The following STPG2 variants were observed in gnomAD, a reference collection of about 807,000 sequenced individuals.
The protein encoded by STPG2 is sperm-tail PG-rich repeat-containing protein 2.
STPG2 carries 56 observed loss-of-function variants against 54.2 expected under a neutral mutation model. The observed-to-expected ratio is 1.03, with a 90% CI of 0.83 to 1.29. STPG2 has a LOEUF of 1.29. Among genes scored for constraint, STPG2 ranks in the 50% most tolerant of loss-of-function variants. The pLI, the probability that STPG2 is intolerant of heterozygous loss-of-function variation, is 0.00. For missense variants in STPG2, 596 were observed against 544.9 expected, an observed-to-expected ratio of 1.09 and a Z score of -0.93; for synonymous variants, 200 against 181.8, an observed-to-expected ratio of 1.10 and a Z score of -0.81.
rs566032211 is a variant in STPG2, at chr4:97,909,810, T to C, written c.1044+34087A>G. Among the ~76,000 whole-genome samples the C allele has an allele frequency of 1.5e-4, 23 of 152,208 alleles. No homozygotes were observed. In the South Asian group the frequency reaches 3.9e-3, roughly 26 times the overall value. On this transcript the variant is annotated intron_variant, in intron 8 of 10. Coordinates refer to ENST00000295268, the MANE Select transcript of STPG2 (RefSeq NM_174952.3). ...AGACTTCTTTAAATGGTAAATAATA[T>C]TTTTAAATTACTAAGCATATTATAC...
intron 7 of STPG2, among the ~76,000 whole-genome samples, chr4:97,945,574 CCAGT>C (rs1733180755): frequency 6.6e-6 from 1 of 151,726 alleles, no homozygotes; most frequent in South Asian, 2.1e-4. Flanking sequence ...GGGTAAATAC[CCAGT>C]AGTGGGATTA....
intron 9 of STPG2, among the ~76,000 whole-genome samples, chr4:97,818,851 T>C (rs986400773): frequency 4.6e-5 from 7 of 151,120 alleles, no homozygotes; most frequent in Admixed American, 1.3e-4. Context: ...CATGGAATAA[T>C]TTTATCTATA....
At chr4:97,551,993 T>C (rs1298045854) in intron 4 of STPG2, among the ~76,000 whole-genome samples, 1 of 152,110 alleles carries the variant, frequency 6.6e-6, no homozygotes, top group East Asian at 1.9e-4. Context: ...CATATCAAAA[T>C]TAGTTCAGTT....
intron 5 of STPG2, among the ~76,000 whole-genome samples, chr4:98,018,281 C>A (rs13150343): frequency 1.3e-5 from 2 of 151,252 alleles, no homozygotes; most frequent in Non-Finnish European, 2.9e-5. Context: ...GGTTTTTTGT[C>A]CTTGTGATAG....
chr4:97,926,423 C>A (rs1426812666), intron 8 of STPG2, among the ~76,000 whole-genome samples: 3 of 152,114 alleles, frequency 2.0e-5, no homozygotes, highest in Non-Finnish European at 2.9e-5. Context: ...CAGACTTCCC[C>A]TATCTTGTAC....
Position 97,759,546 on chromosome 4 carries a change from A to G in STPG2, c.1205-46732T>C, listed in dbSNP as rs565694346. On this transcript the variant is annotated intron_variant, in intron 9 of 10. Coordinates refer to ENST00000295268, the MANE Select transcript of STPG2 (RefSeq NM_174952.3). ...TGGTCAGAAAGAATGTAAGCCATCA[A>G]GAACTTTTAGCAATATTGCAAGGTC... 5.3e-5 allele frequency among the ~76,000 whole-genome samples: 8 copies of G among 152,316 alleles called. No homozygotes were observed. The South Asian group carries it at 1.5e-3, about 28-fold the overall frequency.
intron 7 of STPG2, among the ~76,000 whole-genome samples, chr4:97,952,680 G>A (rs1314423129): frequency 6.6e-6 from 1 of 152,134 alleles, no homozygotes; most frequent in African/African-American, 2.4e-5. Context: ...GGATGGCAGG[G>A]GAGGGTCATA....
chr4:97,533,377 T>A (rs963934809), intron 4 of STPG2, among the ~76,000 whole-genome samples: 6 of 152,140 alleles, frequency 3.9e-5, no homozygotes, highest in Non-Finnish European at 7.4e-5. Flanking sequence ...TTTTTAAAAT[T>A]TATCAAATTA....
At chr4:97,656,654 T>G (rs889281259) in intron 10 of STPG2, among the ~76,000 whole-genome samples, 1 of 151,224 alleles carries the variant, frequency 6.6e-6, no homozygotes, top group African/African-American at 2.4e-5. Flanking sequence ...AATATAAATA[T>G]ATGACATAAC....
chr4:98,118,218 C>T (rs1286773416), intron 3 of STPG2, among the ~76,000 whole-genome samples: 1 of 152,076 alleles, frequency 6.6e-6, no homozygotes, highest in Non-Finnish European at 1.5e-5. Context: ...TTTGCCAAGG[C>T]CCTCTGTACA....
At chr4:97,750,895 C>T (rs1361037866) in intron 9 of STPG2, among the ~76,000 whole-genome samples, 1 of 151,748 alleles carries the variant, frequency 6.6e-6, no homozygotes, top group African/African-American at 2.4e-5. Flanking sequence ...ACTTAATAAT[C>T]ACAGTTACTT....
intron 9 of STPG2, among the ~76,000 whole-genome samples, chr4:97,758,740 T>C (rs899486787): frequency 1.3e-5 from 2 of 152,206 alleles, no homozygotes; most frequent in East Asian, 3.9e-4. Context: ...TGTAAACCTA[T>C]GTAAGAAACC....
intron 4 of STPG2, among the ~76,000 whole-genome samples, chr4:97,481,452 G>GGA (rs1303095258): frequency 6.6e-6 from 1 of 151,452 alleles, no homozygotes; most frequent in African/African-American, 2.4e-5. Context: ...AGATCAATTT[G>GGA]GAGAGAATTC....
chr4:98,048,604 GC>G (rs34330250), intron 5 of STPG2: 69,613 of 179,112 alleles, frequency 0.39, 13,849 homozygotes, highest in Middle Eastern at 0.52. Flanking sequence ...AAGCAGGCCA[GC>G]CCTGCGGAGG....
chr4:97,632,076 T>G (rs2148933595), intron 10 of STPG2, among the ~76,000 whole-genome samples: 1 of 152,170 alleles, frequency 6.6e-6, no homozygotes, highest in South Asian at 2.1e-4. Context: ...AAAATACTCC[T>G]TAATCTAGGC....
intron 9 of STPG2, among the ~76,000 whole-genome samples, chr4:97,806,982 T>C (rs1727586888): frequency 6.6e-6 from 1 of 152,122 alleles, no homozygotes; most frequent in African/African-American, 2.4e-5. Flanking sequence ...AGCATGGCAG[T>C]AGAATAAACT....
chr4:97,616,980 T>C (rs1471300800), intron 10 of STPG2, among the ~76,000 whole-genome samples: 1 of 152,118 alleles, frequency 6.6e-6, no homozygotes, highest in East Asian at 1.9e-4. Context: ...TTTTCTCAAA[T>C]TCTAAAAATG....
intron 9 of STPG2, among the ~76,000 whole-genome samples, chr4:97,826,068 C>G (rs117210887): frequency 1.3e-5 from 2 of 151,970 alleles, no homozygotes; most frequent in African/African-American, 2.4e-5. Context: ...TCTAGCTATG[C>G]GGGGAAGAGT....
intron 4 of STPG2, among the ~76,000 whole-genome samples, chr4:97,552,799 C>T (rs1196672248): frequency 6.6e-6 from 1 of 152,060 alleles, no homozygotes; most frequent in Non-Finnish European, 1.5e-5. Flanking sequence ...AATACAAGAA[C>T]ACTTTTTTCA....
Sources: allele counts gnomAD v4.1 joint callset (sites outside exome capture counted in the v4.1 genomes callset), GRCh38; gene constraint gnomAD v4.1.1; transcripts MANE v1.5; gene names NCBI Gene and HGNC (gene_info 2026-07-23, HGNC 2026-07-21).